Variants in TBCK observed in about 807,000 individuals in gnomAD.
TBCK encodes TBC domain-containing protein kinase-like protein.
TBCK carries 99 observed loss-of-function variants against 113.4 expected under a neutral mutation model. The observed-to-expected ratio is 0.87, with a 90% CI of 0.74 to 1.03. The LOEUF (loss-of-function observed/expected upper bound fraction) is 1.03. TBCK is among the 50% of genes least tolerant of loss of function. TBCK has a pLI of 0.00. For synonymous variants in TBCK, 369 were observed against 370.8 expected (o/e 1.00, Z 0.05); for missense variants, 1,045 against 1,061.3 (o/e 0.98, Z 0.21).
At position 106,309,830 on chromosome 4, in the gene TBCK, T is replaced by C. The variant is rs1385867562; in HGVS notation, c.-29-841A>G. 2.6e-5 allele frequency: 4 copies of C among 152,250 alleles called. No individual in the cohort carries two copies. In the East Asian group the frequency reaches 7.7e-4, roughly 29 times the overall value. The allele number at this position is 152,250 out of a possible 1,614,324, so 9.4% of individuals were successfully genotyped here. ...TAGATATTTTACATAATGTATGATC[T>C]GCTTTAATCCTTTTAATAATCCTGA... On this transcript the variant is annotated intron_variant, in intron 1 of 25. Transcript: ENST00000394708.
At chr4:106,233,400 G>C (rs781412354) in intron 16 of TBCK, among the ~76,000 whole-genome samples, 188 bp downstream of exon 16, 15 of 151,976 alleles carry the variant, frequency 9.9e-5, no homozygotes. Flanking sequence ...AAGGTAACTT[G>C]ACCTAAAGTC....
At chr4:106,145,118 G>C (rs1046673877) in intron 23 of TBCK, among the ~76,000 whole-genome samples, 4 of 151,856 alleles carry the variant, frequency 2.6e-5, no homozygotes, top group African/African-American at 9.7e-5. Context: ...AAGAGATTGA[G>C]ACCATCCTGG....
chr4:106,260,890 T>C (rs896993435), intron 4 of TBCK, among the ~76,000 whole-genome samples: 3 of 151,992 alleles, frequency 2.0e-5, no homozygotes, highest in Admixed American at 6.6e-5. Flanking sequence ...GAGCAAATTT[T>C]TTTCCATGGA....
At position 106,247,211 on chromosome 4, in the gene TBCK, C is replaced by A. The variant is rs1760919209; in HGVS notation, c.859G>T (p.Ala287Ser). 3 of 1,613,322 alleles carry A rather than the reference C, an allele frequency of 1.9e-6. No homozygotes were observed. The highest frequency in any genetic ancestry group is 2.5e-6 in the Non-Finnish European group (3 of 1,179,598). ...SPLYTPFTKP[A>S]SLFSSSLRCA... ...CTCAGAGAAGATGAAAACAGACTGG[C>A]AGGTTTGGTAAAGGGGGTATATAAA... is the stretch of plus-strand genomic sequence containing the variant. Residue 287 changes from alanine to serine, a missense_variant, in exon 10 of 26, where the codon GCC (alanine) becomes TCC (serine). Ala to Ser is a moderately conservative substitution (Grantham distance 99). Coordinates refer to ENST00000394708, the MANE Select transcript of TBCK (RefSeq NM_001163435.3).
At chr4:106,050,508 T>C (rs765076698) in intron 25 of TBCK, among the ~76,000 whole-genome samples, 38 of 152,158 alleles carry the variant, frequency 2.5e-4, no homozygotes, top group Non-Finnish European at 5.6e-4. Context: ...TGACAGTAAA[T>C]ATTATGCTGG....
intron 20 of TBCK, among the ~76,000 whole-genome samples, chr4:106,202,057 G>T (rs759023396): frequency 6.6e-6 from 1 of 151,864 alleles, no homozygotes; most frequent in Non-Finnish European, 1.5e-5. Flanking sequence ...AGAACATCTG[G>T]CATTTAGTAA....
chr4:106,232,471 T>C (rs1471743665), intron 17 of TBCK, among the ~76,000 whole-genome samples: 1 of 150,862 alleles, frequency 6.6e-6, no homozygotes, highest in Non-Finnish European at 1.5e-5. Context: ...AAAATAATAA[T>C]GGCAAAGCTA....
chr4:106,199,852 A>G (rs1206217381), intron 20 of TBCK, among the ~76,000 whole-genome samples: 4 of 152,200 alleles, frequency 2.6e-5, no homozygotes, highest in African/African-American at 4.8e-5. Flanking sequence ...GCAATAGTCC[A>G]TGACTAGTTT....
chr4:106,300,670 A>G (rs1321478289), intron 2 of TBCK, among the ~76,000 whole-genome samples: 2 of 152,236 alleles, frequency 1.3e-5, no homozygotes, highest in African/African-American at 4.8e-5. Context: ...GAATCCAGTC[A>G]TTCAATCAAA....
chr4:106,313,255 G>A (rs1283273702), intron 1 of TBCK, among the ~76,000 whole-genome samples: 1 of 152,088 alleles, frequency 6.6e-6, no homozygotes, highest in Admixed American at 6.6e-5. Context: ...AGTCAGAAGA[G>A]AGCCTGGTGC....
At chr4:106,054,330 C>T (rs1450824485) in intron 25 of TBCK, among the ~76,000 whole-genome samples, 2 of 151,656 alleles carry the variant, frequency 1.3e-5, no homozygotes, top group Non-Finnish European at 3.0e-5. Flanking sequence ...CCAGTATAAT[C>T]TTTCTCTACA....
At chr4:106,074,075 G>C (rs1220110184) in intron 25 of TBCK, among the ~76,000 whole-genome samples, 1 of 152,202 alleles carries the variant, frequency 6.6e-6, no homozygotes, top group Non-Finnish European at 1.5e-5. Context: ...TTTCCCAGGT[G>C]AGGCAATGCC....
chr4:106,147,055 G>A (rs1747886844), intron 23 of TBCK, among the ~76,000 whole-genome samples: 1 of 152,276 alleles, frequency 6.6e-6, no homozygotes, highest in South Asian at 2.1e-4. Context: ...TTTACCATGA[G>A]ATTACAGCTA....
At chr4:106,129,092 CTG>C (rs937606567) in intron 23 of TBCK, among the ~76,000 whole-genome samples, 1 of 152,142 alleles carries the variant, frequency 6.6e-6, no homozygotes, top group African/African-American at 2.4e-5. Context: ...GAAAGTAAAA[CTG>C]TGTTTCTATC....
chr4:106,077,080 G>C (rs1209261276), intron 25 of TBCK, among the ~76,000 whole-genome samples: 1 of 152,054 alleles, frequency 6.6e-6, no homozygotes, highest in African/African-American at 2.4e-5. Context: ...CAGCTGGGGA[G>C]ATAGATAGAG....
intron 24 of TBCK, among the ~76,000 whole-genome samples, chr4:106,096,215 A>C (rs1740880371): frequency 6.6e-6 from 1 of 152,218 alleles, no homozygotes; most frequent in Non-Finnish European, 1.5e-5. Flanking sequence ...AAACATTTCT[A>C]ATTATTCAAT....
At chr4:106,117,053 C>T (rs181025812) in intron 23 of TBCK, among the ~76,000 whole-genome samples, 9 of 152,084 alleles carry the variant, frequency 5.9e-5, no homozygotes, top group South Asian at 4.2e-4. Flanking sequence ...GGCTGGGGAC[C>T]GCTGGTGTAA....
At chr4:106,053,174 G>A (rs138183382) in intron 25 of TBCK, among the ~76,000 whole-genome samples, 8 of 151,614 alleles carry the variant, frequency 5.3e-5, no homozygotes, top group South Asian at 2.1e-4. Flanking sequence ...CAAGGGCCAC[G>A]CACTGTGACT....
rs1753893401 is a variant in TBCK at position 106,193,603 on chromosome 4, C to A, written c.2059+6G>T. ...ATTTAATGGCTCCATTTATTTAGATCTATACCTGGTAAATCGGAGAAGAGA... is the reference window on the plus strand; with the variant it reads ...ATTTAATGGCTCCATTTATTTAGATATATACCTGGTAAATCGGAGAAGAGA... On this transcript the variant is annotated splice_donor_region_variant and intron_variant, in intron 22 of 25. Transcript: ENST00000394708. The A allele has an allele frequency of 2.5e-6, 4 of 1,612,804 alleles. No individual in the cohort carries two copies. The highest frequency in any genetic ancestry group is 3.4e-6 in the Non-Finnish European group (4 of 1,179,246).
Sources: gnomAD v4.1 joint callset for allele counts (sites outside exome capture counted in the v4.1 genomes callset) on GRCh38, gnomAD v4.1.1 for gene constraint, MANE v1.5 for transcripts, NCBI Gene and HGNC (gene_info 2026-07-23, HGNC 2026-07-21) for gene names.